Variants in LSAMP observed in about 807,000 individuals in gnomAD.
LSAMP encodes the protein limbic system-associated membrane protein.
LSAMP carries 7 observed loss-of-function variants against 38.6 expected under a neutral mutation model. The observed-to-expected ratio is 0.18, with a 90% CI of 0.10 to 0.34. The LOEUF is 0.34. Among genes scored for constraint, LSAMP ranks in the 10% least tolerant of loss-of-function variants. The pLI, the probability that LSAMP is intolerant of heterozygous loss-of-function variation, is 1.00. For synonymous variants in LSAMP, 154 were observed against 166.8 expected, an observed-to-expected ratio of 0.92 and a Z score of 0.59; for missense variants, 313 against 420.0, an observed-to-expected ratio of 0.75 and a Z score of 2.23.
chr3:116,330,548 TC>T (rs35136592), intron 1 of LSAMP, among the ~76,000 whole-genome samples: 8,403 of 149,496 alleles, frequency 0.056, 322 homozygotes, highest in Middle Eastern at 0.094. Context: ...ACCAGCATGC[TC>T]CCCCCCCCAC....
intron 1 of LSAMP, among the ~76,000 whole-genome samples, chr3:116,311,504 C>A (rs2047556820): frequency 6.6e-6 from 1 of 152,170 alleles, no homozygotes; most frequent in East Asian, 1.9e-4. Flanking sequence ...GCTTTTCAAC[C>A]ACTACATTTT....
rs893284197 is a variant in LSAMP, at chr3:115,943,354, T to C, written c.514+76161A>G. On this transcript the variant is annotated intron_variant, in intron 3 of 6. Transcript: ENST00000490035. ...TCCTTGAGACCAGCTAGATACATCT[T>C]TCTTGGGAGTTGGGGAGCTGGTAGT... Among the ~76,000 whole-genome samples, 9 of 152,302 alleles carry C rather than the reference T, an allele frequency of 5.9e-5. No individual in the cohort carries two copies. In the East Asian group the frequency reaches 1.4e-3, roughly 23 times the overall value.
intron 1 of LSAMP, among the ~76,000 whole-genome samples, chr3:116,326,456 T>C (rs1319281286): frequency 6.6e-6 from 1 of 152,118 alleles, no homozygotes; most frequent in Admixed American, 6.6e-5. Context: ...TCAACTCCAG[T>C]GCCCTTGGAT....
intron 1 of LSAMP, among the ~76,000 whole-genome samples, chr3:116,225,517 A>G (rs1465041592): frequency 6.6e-6 from 1 of 152,112 alleles, no homozygotes; most frequent in African/African-American, 2.4e-5. Flanking sequence ...AACTAATACA[A>G]CCCTTCTAGT....
At chr3:116,354,245 A>G (rs963275548) in intron 1 of LSAMP, among the ~76,000 whole-genome samples, 1 of 152,188 alleles carries the variant, frequency 6.6e-6, no homozygotes, top group African/African-American at 2.4e-5. Flanking sequence ...TTTCCAAGAC[A>G]TCGCTGAATC....
At chr3:116,095,550 A>G (rs975414761) in intron 1 of LSAMP, among the ~76,000 whole-genome samples, 1 of 152,218 alleles carries the variant, frequency 6.6e-6, no homozygotes, top group Admixed American at 6.5e-5. Context: ...TTCCGGCACC[A>G]TCTGTATTCC....
chr3:116,405,206 C>G (rs1306750031), intron 1 of LSAMP, among the ~76,000 whole-genome samples: 5 of 152,130 alleles, frequency 3.3e-5, no homozygotes, highest in Non-Finnish European at 7.4e-5. Context: ...TAATTTACCA[C>G]TCTGAACAAC....
chr3:116,424,744 A>AT (rs1325532950), intron 1 of LSAMP, among the ~76,000 whole-genome samples: 1 of 152,088 alleles, frequency 6.6e-6, no homozygotes, highest in Non-Finnish European at 1.5e-5. Flanking sequence ...CAGGCTTTCC[A>AT]TTTTTTCTGA....
At chr3:116,386,835 AT>A (rs2048632428) in intron 1 of LSAMP, among the ~76,000 whole-genome samples, 1 of 152,156 alleles carries the variant, frequency 6.6e-6, no homozygotes, top group Non-Finnish European at 1.5e-5. Flanking sequence ...GGAAGCCTTA[AT>A]GGAAGAAGCA....
intron 1 of LSAMP, among the ~76,000 whole-genome samples, chr3:116,294,399 G>A (rs1455473842): frequency 6.6e-6 from 1 of 151,952 alleles, no homozygotes; most frequent in Non-Finnish European, 1.5e-5. Context: ...AATGTTCTAG[G>A]ATTCAGAAAT....
At chr3:116,019,157 T>TG (rs35506484) in intron 3 of LSAMP, among the ~76,000 whole-genome samples, 1,671 of 97,316 alleles carry the variant, frequency 0.017, 15 homozygotes, top group East Asian at 0.065. Flanking sequence ...GCATTGTGGG[T>TG]GGGGGGGGGG....
rs550334837 is a variant in LSAMP, at chr3:116,099,118, G to A, written c.156-12562C>T. Among the ~76,000 whole-genome samples, 5 of 152,280 alleles carry A rather than the reference G, an allele frequency of 3.3e-5. No individual in the cohort carries two copies. The South Asian group carries it at 6.2e-4, about 19-fold the overall frequency. On this transcript the variant is annotated intron_variant, in intron 1 of 6. Coordinates refer to ENST00000490035, the MANE Select transcript of LSAMP (RefSeq NM_002338.5). ...CTGCATTCACCATGTAAGTTCCTTC[G>A]GAAATTTCACAGCCAATCTGAATTA...
chr3:116,346,114 C>T (rs1382922852), intron 1 of LSAMP, among the ~76,000 whole-genome samples: 4 of 152,132 alleles, frequency 2.6e-5, no homozygotes, highest in African/African-American at 7.2e-5. Context: ...AAGGATTAGA[C>T]TCTAGAACCT....
chr3:115,937,788 ATCCTG>A lies in LSAMP; in HGVS notation c.514+81722_514+81726del, dbSNP rs1289546536. ...GCAGCATGCTAAATGATATTGGCTAATCCTGTATGGCCAGCTAAATGATATTGGCT... is the reference window on the plus strand; with the variant it reads ...GCAGCATGCTAAATGATATTGGCTAATATGGCCAGCTAAATGATATTGGCT... On this transcript the variant is annotated intron_variant, in intron 3 of 6. Transcript: ENST00000490035. Among the ~76,000 whole-genome samples, 29 of 1,866 alleles carry A rather than the reference ATCCTG, an allele frequency of 0.016. No individual in the cohort carries two copies. In the East Asian group the frequency reaches 0.38, roughly 24 times the overall value. 1.2% of individuals were successfully genotyped at this position (1,866 alleles called of 152,430 possible).
chr3:116,415,988 T>C (rs984523740), intron 1 of LSAMP, among the ~76,000 whole-genome samples: 5 of 152,164 alleles, frequency 3.3e-5, no homozygotes, highest in Admixed American at 2.6e-4. Context: ...AGTGATGACA[T>C]TCACAAAGGC....
At chr3:116,156,029 T>C (rs1576398416) in intron 1 of LSAMP, among the ~76,000 whole-genome samples, 1 of 152,294 alleles carries the variant, frequency 6.6e-6, no homozygotes, top group South Asian at 2.1e-4. Flanking sequence ...ACATATGAAG[T>C]GCAAGGGGCC....
chr3:115,945,258 T>A (rs772168100), intron 3 of LSAMP, among the ~76,000 whole-genome samples: 2 of 152,152 alleles, frequency 1.3e-5, no homozygotes, highest in African/African-American at 2.4e-5. Context: ...AAATCAAATA[T>A]TTCCCATAGG....
At chr3:115,994,117 C>CT (rs1291634287) in intron 3 of LSAMP, among the ~76,000 whole-genome samples, 23 of 152,204 alleles carry the variant, frequency 1.5e-4, no homozygotes, top group African/African-American at 5.5e-4. Context: ...CATTGCAGCA[C>CT]TGACAACAGC....
At chr3:116,112,304 A>G (rs1312986646) in intron 1 of LSAMP, among the ~76,000 whole-genome samples, 1 of 152,210 alleles carries the variant, frequency 6.6e-6, no homozygotes, top group Non-Finnish European at 1.5e-5. Flanking sequence ...GTGCACCTCA[A>G]TAAAAGGACG....
Sources: gnomAD v4.1 joint callset for allele counts (sites outside exome capture counted in the v4.1 genomes callset) on GRCh38, gnomAD v4.1.1 for gene constraint, MANE v1.5 for transcripts, NCBI Gene and HGNC (gene_info 2026-07-23, HGNC 2026-07-21) for gene names.